NAMPT: variants seen among roughly 807,000 people sequenced by gnomAD.
The protein encoded by NAMPT is NAmPRTase.
Under a neutral mutation model 58.7 loss-of-function variants are expected in NAMPT, and 7 were observed. That is an observed-to-expected ratio of 0.12 (90% CI 0.07 to 0.22). The LOEUF is 0.22. Ranked by LOEUF, NAMPT falls within the 10% of genes least tolerant of loss-of-function variation. The pLI is 1.00. For synonymous variants in NAMPT, 145 were observed against 198.1 expected (o/e 0.73, Z 2.25); for missense variants, 271 against 567.9 (o/e 0.48, Z 5.31).
intron 5 of NAMPT, 80 bp from the exon 6 acceptor site, chr7:106,268,680 TAAGGAATATAGCATAG>T: frequency 1.0e-6 from 1 of 964,492 alleles, no homozygotes; most frequent in Non-Finnish European, 1.7e-6. Context: ...CAACCACATT[TAAGGAATATAGCATAG>T]CTCCCATAAG....
At chr7:106,278,035 C>T (rs2115826280) in intron 1 of NAMPT, among the ~76,000 whole-genome samples, 1 of 152,188 alleles carries the variant, frequency 6.6e-6, no homozygotes, top group African/African-American at 2.4e-5. Context: ...ATAACAGTGC[C>T]TTGAGGTTTA....
rs185757308 is a variant in NAMPT, at chr7:106,248,413, T to C, written c.*2670A>G. On this transcript the variant is annotated 3_prime_UTR_variant, in exon 11 of 11. Transcript: ENST00000222553. ...AGAAAAGCTGACATTCTCCACTGAA[T>C]GGGTTAAAAAGGAATGTAAAACTAC... 114 of 152,636 alleles carry C rather than the reference T, an allele frequency of 7.5e-4. No homozygotes were observed. The highest frequency in any genetic ancestry group is 2.6e-3 in the African/African-American group (108 of 41,562). The allele number at this position is 152,636 out of a possible 1,614,324, so 9.5% of individuals were successfully genotyped here.
chr7:106,277,882 T>C (rs975762019), intron 1 of NAMPT, among the ~76,000 whole-genome samples: 3 of 152,232 alleles, frequency 2.0e-5, no homozygotes, highest in African/African-American at 7.2e-5. Flanking sequence ...AAAAAATTTA[T>C]CTGCTTTTAA....
chr7:106,258,042 T>G (rs1792238013), intron 8 of NAMPT, among the ~76,000 whole-genome samples: 2 of 152,244 alleles, frequency 1.3e-5, no homozygotes, highest in Non-Finnish European at 2.9e-5. Flanking sequence ...CTGAGATTGC[T>G]ATGTGTAAGG....
At chr7:106,257,188 T>C (rs1407037754) in intron 8 of NAMPT, among the ~76,000 whole-genome samples, 2 of 151,802 alleles carry the variant, frequency 1.3e-5, no homozygotes, top group African/African-American at 4.8e-5. Flanking sequence ...CCTGAGTACA[T>C]CTGCATTAAC....
intron 9 of NAMPT, chr7:106,253,434 A>C: frequency 3.0e-6 from 1 of 334,032 alleles, no homozygotes; most frequent in Non-Finnish European, 5.6e-6. Context: ...GCATTCTAAC[A>C]TGTGACCCTT....
intron 8 of NAMPT, among the ~76,000 whole-genome samples, chr7:106,258,869 G>A (rs548768355): frequency 6.6e-6 from 1 of 152,214 alleles, no homozygotes; most frequent in South Asian, 2.1e-4. Flanking sequence ...GGTGACTGTG[G>A]CAATGCCTTA....
intron 7 of NAMPT, among the ~76,000 whole-genome samples, chr7:106,262,594 A>G (rs1792325546): frequency 6.6e-6 from 1 of 152,090 alleles, no homozygotes. Flanking sequence ...TCCCTTTCTT[A>G]AGGGGTAAGT....
chr7:106,264,270 T>G (rs1056328256), intron 6 of NAMPT, among the ~76,000 whole-genome samples: 1 of 152,060 alleles, frequency 6.6e-6, no homozygotes, highest in Non-Finnish European at 1.5e-5. Context: ...AATACTTAGT[T>G]TAAGCAAAAC....
chr7:106,261,537 A>G, intron 8 of NAMPT, 51 bp downstream of exon 8: 1 of 1,376,440 alleles, frequency 7.3e-7, no homozygotes, highest in Non-Finnish European at 1.0e-6. Flanking sequence ...AACATAAACA[A>G]ACTTAATTAT....
At position 106,268,455 on chromosome 7, in the gene NAMPT, A is replaced by T. The variant is rs890501795; in HGVS notation, c.743+9T>A. The T allele has an allele frequency of 6.3e-7, 1 of 1,592,002 alleles. No individual in the cohort carries two copies. Among genetic ancestry groups the T allele is most frequent in the Non-Finnish European group, 8.5e-7 (1 of 1,172,910 alleles). ...TTAGTAGTTTTAAAAAATGAACAGA[A>T]TTTTTTACCTGTGTTCTGCTGCTGG... is the stretch of plus-strand genomic sequence containing the variant. On this transcript the variant is annotated intron_variant, in intron 6 of 10. Coordinates refer to ENST00000222553, the MANE Select transcript of NAMPT (RefSeq NM_005746.3).
chr7:106,252,538 A>AAAGG (rs1792121544), intron 10 of NAMPT, among the ~76,000 whole-genome samples: 1 of 152,076 alleles, frequency 6.6e-6, no homozygotes, highest in Non-Finnish European at 1.5e-5. Flanking sequence ...GTGGCTTAAA[A>AAAGG]ACCAAAAATT....
intron 8 of NAMPT, among the ~76,000 whole-genome samples, 187 bp from the exon 9 acceptor site, chr7:106,254,691 A>G (rs1792168847): frequency 6.6e-6 from 1 of 152,160 alleles, no homozygotes; most frequent in African/African-American, 2.4e-5. Context: ...TATGTGTGGA[A>G]GGAGAGGATT....
intron 6 of NAMPT, among the ~76,000 whole-genome samples, chr7:106,265,131 G>A (rs1792386148): frequency 6.6e-6 from 1 of 152,090 alleles, no homozygotes. Context: ...AGATATGACT[G>A]AAGAGAAGCT....
intron 1 of NAMPT, 149 bp downstream of exon 1, chr7:106,284,679 C>T (rs554042309): frequency 0.025 from 24,375 of 974,306 alleles, 466 homozygotes; most frequent in Middle Eastern, 0.1. Context: ...CCAGCCGCCG[C>T]CGCCCGCGCC....
chr7:106,254,902 A>C (rs1264050896), intron 8 of NAMPT, among the ~76,000 whole-genome samples: 1 of 152,216 alleles, frequency 6.6e-6, no homozygotes, highest in African/African-American at 2.4e-5. Flanking sequence ...AGACTCTAGG[A>C]ATGACTGTAA....
chr7:106,271,046 T>C (rs955310939), intron 4 of NAMPT, among the ~76,000 whole-genome samples: 2 of 152,286 alleles, frequency 1.3e-5, no homozygotes, highest in African/African-American at 2.4e-5. Flanking sequence ...TTTAGTCTAA[T>C]TATTCTTCAT....
intron 1 of NAMPT, among the ~76,000 whole-genome samples, chr7:106,283,847 GAAA>G (rs368935462): frequency 1.3e-5 from 2 of 150,262 alleles, no homozygotes; most frequent in African/African-American, 4.9e-5. Context: ...AAAAACAAAG[GAAA>G]AAAAAAGAAT....
chr7:106,261,793 G>C, intron 7 of NAMPT, 86 bp from the exon 8 acceptor site: 1 of 1,378,950 alleles, frequency 7.3e-7, no homozygotes, highest in Non-Finnish European at 1.0e-6. Context: ...ATTTTGCTTT[G>C]ATAATCGAGA....
Sources: gnomAD v4.1 joint callset for allele counts (sites outside exome capture counted in the v4.1 genomes callset) on GRCh38, gnomAD v4.1.1 for gene constraint, MANE v1.5 for transcripts, NCBI Gene and HGNC (gene_info 2026-07-23, HGNC 2026-07-21) for gene names.